The following GNA12 variants were observed in gnomAD, a reference collection of about 807,000 sequenced individuals.
GNA12 encodes G protein subunit alpha 12.
GNA12 carries 9 observed loss-of-function variants against 26.0 expected under a neutral mutation model. The ratio of observed to expected loss-of-function variants is 0.35; its 90% confidence interval spans 0.21 to 0.60. The LOEUF is 0.60. Among genes scored for constraint, GNA12 ranks in the 20% least tolerant of loss-of-function variants. The pLI, the probability that GNA12 is intolerant of heterozygous loss-of-function variation, is 0.78. For missense variants in GNA12, 405 were observed against 525.8 expected (o/e 0.77, Z 2.25); for synonymous variants, 264 against 219.6 (o/e 1.20, Z -1.79).
chr7:2,791,732 G>A (rs192644647), intron 2 of GNA12, among the ~76,000 whole-genome samples: 4 of 152,164 alleles, frequency 2.6e-5, no homozygotes, highest in Non-Finnish European at 4.4e-5. Flanking sequence ...CTGCAGGGGT[G>A]GGGGAGGGAG....
At position 2,731,589 on chromosome 7, in the gene GNA12, C is replaced by T. The variant is rs1215896330; in HGVS notation, c.738G>A (p.Thr246=). 12 of 1,613,654 alleles carry T rather than the reference C, an allele frequency of 7.4e-6. No individual in the cohort carries two copies. The East Asian group carries it at 1.1e-4, about 15-fold the overall frequency. ...QKWFQCFDGI[T]SILFMVSSSE... is the part of the protein sequence containing the mutation. ...TGGAGGAGACCATGAACAGGATGGA[C>T]GTGATCCCGTCGAAGCACTGGAACC... Residue 246 remains threonine, a synonymous_variant, in exon 4 of 4, where the codon ACG becomes ACA. Transcript: ENST00000275364. This position sits in a 1 kb window ranked among gnomAD's most constrained non-coding sequence, Gnocchi z 6.0.
At chr7:2,836,366 C>A (rs1453356343) in intron 1 of GNA12, among the ~76,000 whole-genome samples, 1 of 152,198 alleles carries the variant, frequency 6.6e-6, no homozygotes, top group Non-Finnish European at 1.5e-5. Flanking sequence ...GTAACACAAC[C>A]AGCAAGTGCA....
At position 2,800,757 on chromosome 7, in the gene GNA12, G is replaced by C. The variant is rs529400954; in HGVS notation, c.310-5614C>G. ...CCGAAGGGTGGGTTCATCTGAGCGA[G>C]TGGCAGTGGTGGACTGGAATCTACC... On this transcript the variant is annotated intron_variant, in intron 1 of 3. Coordinates refer to ENST00000275364, the MANE Select transcript of GNA12 (RefSeq NM_007353.3). 2.0e-5 allele frequency among the ~76,000 whole-genome samples: 3 copies of C among 152,262 alleles called. No individual in the cohort carries two copies. In the South Asian group the frequency reaches 6.2e-4, roughly 32 times the overall value.
At chr7:2,736,591 G>C (rs958424920) in intron 2 of GNA12, among the ~76,000 whole-genome samples, 13 of 152,158 alleles carry the variant, frequency 8.5e-5, no homozygotes, top group African/African-American at 3.1e-4. Context: ...ACCTGTATTG[G>C]GCACAGCCGG....
chr7:2,840,432 G>A (rs374763560), intron 1 of GNA12, among the ~76,000 whole-genome samples: 4 of 152,272 alleles, frequency 2.6e-5, no homozygotes, highest in South Asian at 2.1e-4. Context: ...GATCAGGCAC[G>A]ATGTGTACAG....
At chr7:2,787,888 C>A (rs1792404675) in intron 2 of GNA12, among the ~76,000 whole-genome samples, 1 of 152,240 alleles carries the variant, frequency 6.6e-6, no homozygotes, top group South Asian at 2.1e-4. Context: ...GGCACCATGG[C>A]TCACGCCTGG....
In GNA12 at chr7:2,731,674, A is replaced by G; in HGVS notation, c.653T>C (p.Ile218Thr). Residue 218 changes from isoleucine to threonine, a missense_variant, in exon 4 of 4, where the codon ATT (isoleucine) becomes ACT (threonine). Transcript: ENST00000275364. This position sits in a 1 kb window ranked among gnomAD's most constrained non-coding sequence, Gnocchi z 6.0. ...CACCATCTTAAAGGGGATCTTCTTA[A>G]TAACGAAGTCATGCTCCACAATTCC... ...TKGIVEHDFV[I>T]KKIPFKMVDV... is the part of the protein sequence containing the mutation. 6.2e-7 allele frequency: 1 copy of G among 1,609,712 alleles called. No homozygotes were observed. Among genetic ancestry groups the G allele is most frequent in the Non-Finnish European group, 8.5e-7 (1 of 1,177,854 alleles).
At chr7:2,754,833 A>C (rs1207998266) in intron 2 of GNA12, among the ~76,000 whole-genome samples, 1 of 152,228 alleles carries the variant, frequency 6.6e-6, no homozygotes, top group Non-Finnish European at 1.5e-5. Context: ...TCAACGGATC[A>C]CTAGGGCGTC....
chr7:2,779,741 A>G (rs1423228296), intron 2 of GNA12, among the ~76,000 whole-genome samples: 1 of 151,728 alleles, frequency 6.6e-6, no homozygotes, highest in African/African-American at 2.4e-5. Context: ...TGGATTACAG[A>G]CATGTACCAC....
At chr7:2,752,284 A>T (rs1485078755) in intron 2 of GNA12, among the ~76,000 whole-genome samples, 1 of 152,158 alleles carries the variant, frequency 6.6e-6, no homozygotes, top group Non-Finnish European at 1.5e-5. Flanking sequence ...ATAGAAAGAA[A>T]CTTCCTCAGT....
At chr7:2,794,568 A>G (rs77991436) in intron 2 of GNA12, among the ~76,000 whole-genome samples, 3,077 of 152,248 alleles carry the variant, frequency 0.02, 55 homozygotes, top group Middle Eastern at 0.075. Context: ...TGAGTTGCCC[A>G]TACCCACAGG....
chr7:2,755,870 A>G (rs1791269315), intron 2 of GNA12, among the ~76,000 whole-genome samples: 1 of 152,244 alleles, frequency 6.6e-6, no homozygotes, highest in African/African-American at 2.4e-5. Context: ...GAAATGGAAG[A>G]TTCAACATTG....
chr7:2,788,505 G>C (rs951141568), intron 2 of GNA12, among the ~76,000 whole-genome samples: 1 of 152,158 alleles, frequency 6.6e-6, no homozygotes, highest in African/African-American at 2.4e-5. Flanking sequence ...TCACAACTTA[G>C]TTACTACATG....
intron 2 of GNA12, among the ~76,000 whole-genome samples, chr7:2,743,016 G>T (rs142898015): frequency 0.011 from 1,647 of 152,316 alleles, 33 homozygotes; most frequent in African/African-American, 0.037. Flanking sequence ...CATTCAGACA[G>T]AAAGCCTACC....
intron 1 of GNA12, among the ~76,000 whole-genome samples, chr7:2,813,481 G>T (rs1793135251): frequency 6.6e-6 from 1 of 152,164 alleles, no homozygotes; most frequent in Non-Finnish European, 1.5e-5. Flanking sequence ...ATCACTGAGT[G>T]ATGCCAGCAC....
At chr7:2,783,096 G>A (rs1792270885) in intron 2 of GNA12, among the ~76,000 whole-genome samples, 1 of 152,160 alleles carries the variant, frequency 6.6e-6, no homozygotes, top group Admixed American at 6.5e-5. Context: ...GGTCTGACCT[G>A]ACCCCACCGT....
At chr7:2,837,081 G>C (rs537539845) in intron 1 of GNA12, among the ~76,000 whole-genome samples, 1 of 152,210 alleles carries the variant, frequency 6.6e-6, no homozygotes, top group African/African-American at 2.4e-5. Flanking sequence ...TGCTGGCAGG[G>C]CCAAGCAGGG....
chr7:2,781,479 T>C (rs988346535), intron 2 of GNA12, among the ~76,000 whole-genome samples: 2 of 150,980 alleles, frequency 1.3e-5, no homozygotes, highest in Non-Finnish European at 3.0e-5. Context: ...CTTTATGTGG[T>C]TTGACTACTC....
At chr7:2,785,033 G>A (rs1303517415) in intron 2 of GNA12, among the ~76,000 whole-genome samples, 1 of 152,100 alleles carries the variant, frequency 6.6e-6, no homozygotes, top group African/African-American at 2.4e-5. Context: ...TCCCCTAGAG[G>A]AGTAGATTTT....
Sources: gnomAD v4.1 joint callset for allele counts (sites outside exome capture counted in the v4.1 genomes callset) on GRCh38, gnomAD v4.1.1 for gene constraint, Gnocchi (gnomAD v3.1) non-coding constraint, MANE v1.5 for transcripts, NCBI Gene and HGNC (gene_info 2026-07-23, HGNC 2026-07-21) for gene names.